RNF5: variants seen among roughly 807,000 people sequenced by gnomAD.
The protein encoded by RNF5 is ring finger protein 5.
In RNF5, 16 loss-of-function variants were observed where a neutral mutation model predicts 24.4. The observed-to-expected ratio is 0.66, with a 90% CI of 0.44 to 1.00. The LOEUF (loss-of-function observed/expected upper bound fraction) is 1.00, where lower values mean the gene tolerates loss of function less well. Among genes scored for constraint, RNF5 ranks in the 50% least tolerant of loss-of-function variants. The pLI is 0.00. For synonymous variants in RNF5, 64 were observed against 88.5 expected (o/e 0.72, Z 1.55); for missense variants, 185 against 236.7 (o/e 0.78, Z 1.43).
At position 32,179,484 on chromosome 6, in the gene RNF5, T is replaced by C; in HGVS notation, c.141-57T>C. On this transcript the variant is annotated intron_variant, in intron 1 of 5. Transcript: ENST00000375094. This position sits in a 1 kb window ranked among gnomAD's most constrained non-coding sequence, Gnocchi z 5.4. ...ATGGGATTCTGCGAAGTCTAGGGTCTGTGTCTCTCTTTTCTGTAGCTAGTT... is the reference window on the plus strand; with the variant it reads ...ATGGGATTCTGCGAAGTCTAGGGTCCGTGTCTCTCTTTTCTGTAGCTAGTT... The C allele has an allele frequency of 1.2e-6, 2 of 1,608,290 alleles. No homozygotes were observed. The highest frequency in any genetic ancestry group is 1.7e-6 in the Non-Finnish European group (2 of 1,175,848).
At position 32,180,574 on chromosome 6, in the gene RNF5, G is replaced by A. The variant is rs1786011968; in HGVS notation, c.*248G>A. The A allele has an allele frequency of 7.4e-6, 4 of 537,428 alleles. No individual in the cohort carries two copies. The highest frequency in any genetic ancestry group is 1.3e-5 in the Non-Finnish European group (4 of 304,594). The allele number at this position is 537,428 out of a possible 1,614,324, so 33.3% of individuals were successfully genotyped here. ...GCCCTGGGGAAGGAGGATGGATTGA[G>A]AGAATGTCTTTCTCCTCTCCTAAGT... On this transcript the variant is annotated 3_prime_UTR_variant, in exon 6 of 6. Transcript: ENST00000375094.
chr6:32,178,800 G>A (rs1313232593), intron 1 of RNF5, 149 bp downstream of exon 1: 8 of 762,442 alleles, frequency 1.0e-5, no homozygotes, highest in Non-Finnish European at 4.2e-6. Flanking sequence ...TTGCTGGTAT[G>A]TGTGGGTGGG....
rs16897384 is a variant in RNF5, at chr6:32,180,446, C to T, written c.*120C>T. On this transcript the variant is annotated 3_prime_UTR_variant, in exon 6 of 6. Transcript: ENST00000375094. ...CTATTTCTGTTGGCTAAGGCCAGCC[C>T]TGGACATTGTCCAGGAAGGCCTGGG... is the stretch of plus-strand genomic sequence containing the variant. The T allele has an allele frequency of 1.1e-6, 1 of 901,198 alleles. No individual in the cohort carries two copies. The highest frequency in any genetic ancestry group is 2.4e-5 in the East Asian group (1 of 40,896). The allele number at this position is 901,198 out of a possible 1,614,324, so 55.8% of individuals were successfully genotyped here. A position where few individuals can be genotyped will look rare whatever the true frequency, so the allele number is the denominator to read the frequency against.
chr6:32,179,661 C>CA lies in RNF5; in HGVS notation c.171dup (p.Arg58ThrfsTer11). 1 of 1,614,108 alleles carries CA rather than the reference C, an allele frequency of 6.2e-7. No individual in the cohort carries two copies. The highest frequency in any genetic ancestry group is 8.5e-7 in the Non-Finnish European group (1 of 1,180,024). On this transcript the variant is annotated frameshift_variant, in exon 3 of 6. Transcript: ENST00000375094. LOFTEE classifies it high-confidence loss of function. The surrounding 1 kb of genome is among the most constrained non-coding windows in gnomAD (Gnocchi z 5.4). ...CTTTTTTCTCCCCAGTGGCTGGAGA[C>CA]ACGGCCAGAACGGCAAGAGTGTCCA...
chr6:32,179,527 T>C lies in RNF5; in HGVS notation c.141-14T>C, dbSNP rs748000036. Reference sequence around the variant, plus strand: ...AGCTAGTTTGACCTTTTTTTTTTTTTCTCCCCCATCCAGTTGGCCATGTCT... The same window carrying C: ...AGCTAGTTTGACCTTTTTTTTTTTTCCTCCCCCATCCAGTTGGCCATGTCT... On this transcript the variant is annotated splice_polypyrimidine_tract_variant and intron_variant, in intron 1 of 5. Coordinates refer to ENST00000375094, the MANE Select transcript of RNF5 (RefSeq NM_006913.4). This position sits in a 1 kb window ranked among gnomAD's most constrained non-coding sequence, Gnocchi z 5.4. 15 of 1,612,560 alleles carry C rather than the reference T, an allele frequency of 9.3e-6. No individual in the cohort carries two copies. Among genetic ancestry groups the C allele is most frequent in the Non-Finnish European group, 1.2e-5 (14 of 1,179,578 alleles).
At position 32,179,902 on chromosome 6, in the gene RNF5, G is replaced by A; in HGVS notation, c.298G>A (p.Gly100Ser). The change falls in exon 4 of 6, where the codon GGC (glycine) becomes AGC (serine). Residue 100 changes from glycine to serine, a missense_variant. Transcript: ENST00000375094. The surrounding 1 kb of genome is among the most constrained non-coding windows in gnomAD (Gnocchi z 5.4). Reference sequence around the variant, plus strand: ...ATTAAAAACTCCACCCCGCCCCCAGGGCCAGAGACCAGCTCCGGAGAGCAG... The same window carrying A: ...ATTAAAAACTCCACCCCGCCCCCAGAGCCAGAGACCAGCTCCGGAGAGCAG... ...PRLKTPPRPQGQRPAPESRGG... is the reference protein window; with the variant it reads ...PRLKTPPRPQSQRPAPESRGG... The A allele has an allele frequency of 6.2e-7, 1 of 1,614,142 alleles. No homozygotes were observed. Among genetic ancestry groups the A allele is most frequent in the East Asian group, 2.2e-5 (1 of 44,886 alleles).
rs1004356243 is a variant in RNF5 at position 32,179,380 on chromosome 6, GCTAA to G, written c.141-156_141-153del. Among the ~76,000 whole-genome samples the G allele has an allele frequency of 3.3e-5, 5 of 152,086 alleles. No homozygotes were observed. The highest frequency in any genetic ancestry group is 1.3e-4 in the Admixed American group (2 of 15,270). Reference sequence around the variant, plus strand: ...GTTGGAAGATCAGACAAGCAGGAAGGCTAACTAAGTTGGCTGGCATGGTAGAGGT... The same window carrying G: ...GTTGGAAGATCAGACAAGCAGGAAGGCTAAGTTGGCTGGCATGGTAGAGGT... On this transcript the variant is annotated intron_variant, in intron 1 of 5. Coordinates refer to ENST00000375094, the MANE Select transcript of RNF5 (RefSeq NM_006913.4). This position sits in a 1 kb window ranked among gnomAD's most constrained non-coding sequence, Gnocchi z 5.4.
In RNF5 at chr6:32,179,931, G is replaced by A; in HGVS notation, c.327G>A (p.Gly109=). ...AGAGACCAGCTCCGGAGAGCAGAGG[G>A]GTGAGTCTTCTTGTCCAGTTGTGTC... ...QGQRPAPESR[G]GFQPFGDTGG... is the part of the protein sequence containing the mutation. The change falls in exon 4 of 6, where the codon GGG becomes GGA. Residue 109 remains glycine (G), a splice_region_variant and synonymous_variant. Coordinates refer to ENST00000375094, the MANE Select transcript of RNF5 (RefSeq NM_006913.4). The surrounding 1 kb of genome is among the most constrained non-coding windows in gnomAD (Gnocchi z 5.4). 6.2e-7 allele frequency: 1 copy of A among 1,614,206 alleles called. No individual in the cohort carries two copies. The highest frequency in any genetic ancestry group is 8.5e-7 in the Non-Finnish European group (1 of 1,180,030).
rs374442418 is a variant in RNF5 at position 32,179,514 on chromosome 6, C to CT, written c.141-14dup. On this transcript the variant is annotated intron_variant, in intron 1 of 5. Coordinates refer to ENST00000375094, the MANE Select transcript of RNF5 (RefSeq NM_006913.4). This position sits in a 1 kb window ranked among gnomAD's most constrained non-coding sequence, Gnocchi z 5.4. ...CTCTCTTTTCTGTAGCTAGTTTGAC[C>CT]TTTTTTTTTTTTTCTCCCCCATCCA... The CT allele has an allele frequency of 0.035, 43,200 of 1,222,086 alleles. No homozygotes were observed. Among genetic ancestry groups the CT allele is most frequent in the Non-Finnish European group, 0.04 (34,636 of 857,566 alleles). The allele number at this position is 1,222,086 out of a possible 1,614,324, so 75.7% of individuals were successfully genotyped here.
Position 32,180,417 on chromosome 6 carries a change from C to T in RNF5, c.*91C>T, listed in dbSNP as rs931028771. ...TTCCGTACTCCTGGACCCCCTTGAC[C>T]CCTCTATTTCTGTTGGCTAAGGCCA... On this transcript the variant is annotated 3_prime_UTR_variant, in exon 6 of 6. Coordinates refer to ENST00000375094, the MANE Select transcript of RNF5 (RefSeq NM_006913.4). 5.0e-6 allele frequency: 6 copies of T among 1,198,490 alleles called. No homozygotes were observed. In the African/African-American group the frequency reaches 9.0e-5, roughly 18 times the overall value. 74.2% of individuals were successfully genotyped at this position (1,198,490 alleles called of 1,614,324 possible). A position where few individuals can be genotyped will look rare whatever the true frequency, so the allele number is the denominator to read the frequency against.
In RNF5 at chr6:32,178,493, G is replaced by C; in HGVS notation, c.-19G>C. 6.3e-7 allele frequency: 1 copy of C among 1,579,702 alleles called. No homozygotes were observed. The highest frequency in any genetic ancestry group is 8.6e-7 in the Non-Finnish European group (1 of 1,163,442). ...ATTTGGGGGGACTGAAGGGTACGTG[G>C]GGCGAAACAAAACCGGCCATGGCAG... is the stretch of plus-strand genomic sequence containing the variant. On this transcript the variant is annotated 5_prime_UTR_variant, in exon 1 of 6. Coordinates refer to ENST00000375094, the MANE Select transcript of RNF5 (RefSeq NM_006913.4).
In RNF5 at chr6:32,180,405, G is replaced by A. The variant is rs1252210101; in HGVS notation, c.*79G>A. The A allele has an allele frequency of 1.6e-6, 2 of 1,244,928 alleles. No individual in the cohort carries two copies. The highest frequency in any genetic ancestry group is 2.9e-5 in the African/African-American group (2 of 67,958). The allele number at this position is 1,244,928 out of a possible 1,614,324, so 77.1% of individuals were successfully genotyped here. A position where few individuals can be genotyped will look rare whatever the true frequency, so the allele number is the denominator to read the frequency against. The stretch of plus-strand genomic sequence containing the variant: ...CCCTGCTGACCCTTCCGTACTCCTG[G>A]ACCCCCTTGACCCCTCTATTTCTGT... On this transcript the variant is annotated 3_prime_UTR_variant, in exon 6 of 6. Coordinates refer to ENST00000375094, the MANE Select transcript of RNF5 (RefSeq NM_006913.4).
Position 32,179,475 on chromosome 6 carries a change from T to A in RNF5, c.141-66T>A. On this transcript the variant is annotated intron_variant, in intron 1 of 5. Coordinates refer to ENST00000375094, the MANE Select transcript of RNF5 (RefSeq NM_006913.4). The surrounding 1 kb of genome is among the most constrained non-coding windows in gnomAD (Gnocchi z 5.4). ...AGGGGTTAGATGGGATTCTGCGAAG[T>A]CTAGGGTCTGTGTCTCTCTTTTCTG... is the stretch of plus-strand genomic sequence containing the variant. 1.2e-6 allele frequency: 2 copies of A among 1,601,634 alleles called. No homozygotes were observed. The highest frequency in any genetic ancestry group is 3.4e-5 in the Admixed American group (2 of 59,558).
chr6:32,178,774 C>A, intron 1 of RNF5, 123 bp downstream of exon 1: 1 of 962,688 alleles, frequency 1.0e-6, no homozygotes, highest in Non-Finnish European at 1.5e-6. Context: ...TGAAGCCCGA[C>A]AGGAGACATA....
chr6:32,178,516 C>A lies in RNF5; in HGVS notation c.5C>A (p.Ala2Glu), dbSNP rs1239731185. The A allele has an allele frequency of 6.3e-7, 1 of 1,599,866 alleles. No individual in the cohort carries two copies. The change falls in exon 1 of 6, where the codon GCA becomes GAA. Residue 2 changes from alanine (A) to glutamate (E), a missense_variant. Physicochemically the swap from Ala to Glu is moderately radical, Grantham distance 107 (BLOSUM62 -1). Transcript: ENST00000375094. M[A>E]AAEEEDGGPE... ...TGGGGCGAAACAAAACCGGCCATGGCAGCAGCGGAGGAGGAGGACGGGGGC... is the reference window on the plus strand; with the variant it reads ...TGGGGCGAAACAAAACCGGCCATGGAAGCAGCGGAGGAGGAGGACGGGGGC...
chr6:32,180,217 T>G lies in RNF5; in HGVS notation c.446-12T>G. 6.2e-7 allele frequency: 1 copy of G among 1,612,276 alleles called. No homozygotes were observed. On this transcript the variant is annotated splice_polypyrimidine_tract_variant and intron_variant, in intron 5 of 5. Coordinates refer to ENST00000375094, the MANE Select transcript of RNF5 (RefSeq NM_006913.4). ...GGAGCATATGCTTCCACAGCTTTCC[T>G]CTCTCCCACAGGTGTGGATCTGGGA... is the stretch of plus-strand genomic sequence containing the variant.
intron 1 of RNF5, 84 bp downstream of exon 1, chr6:32,178,735 C>A: frequency 7.1e-7 from 1 of 1,402,164 alleles, no homozygotes; most frequent in South Asian, 1.2e-5. Context: ...TACAGTCATA[C>A]AGATAATCGG....
rs1041274733 is a variant in RNF5, at chr6:32,179,441, C to T, written c.141-100C>T. On this transcript the variant is annotated intron_variant, in intron 1 of 5. Coordinates refer to ENST00000375094, the MANE Select transcript of RNF5 (RefSeq NM_006913.4). This position sits in a 1 kb window ranked among gnomAD's most constrained non-coding sequence, Gnocchi z 5.4. ...AAATCTGAAAAGCAACAGCAGGTTG[C>T]TTGGGAAGAGGGGTTAGATGGGATT... 10 of 1,464,976 alleles carry T rather than the reference C, an allele frequency of 6.8e-6. No homozygotes were observed. The highest frequency in any genetic ancestry group is 9.5e-6 in the Non-Finnish European group (10 of 1,053,988). 90.7% of individuals were successfully genotyped at this position (1,464,976 alleles called of 1,614,324 possible).
rs1371114770 is a variant in RNF5, at chr6:32,179,730, A to T, written c.239A>T (p.Tyr80Phe). 6.2e-7 allele frequency: 1 copy of T among 1,614,162 alleles called. No individual in the cohort carries two copies. The highest frequency in any genetic ancestry group is 2.2e-5 in the East Asian group (1 of 44,892). Residue 80 changes from tyrosine (Y) to phenylalanine (F), a missense_variant, in exon 3 of 6, where the codon TAT becomes TTT. Physicochemically the swap from Tyr to Phe is conservative, Grantham distance 22. Transcript: ENST00000375094. The surrounding 1 kb of genome is among the most constrained non-coding windows in gnomAD (Gnocchi z 5.4). ...AGCAGAGAGAAGGTTGTCCCGCTTT[A>T]TGGGCGAGGGAGCCAGAAGCCCCAG... ...GISREKVVPLYGRGSQKPQDP... is the reference protein window; with the variant it reads ...GISREKVVPLFGRGSQKPQDP...
Sources: gnomAD v4.1 joint callset for allele counts (sites outside exome capture counted in the v4.1 genomes callset) on GRCh38, gnomAD v4.1.1 for gene constraint, Gnocchi (gnomAD v3.1) non-coding constraint, MANE v1.5 for transcripts, NCBI Gene and HGNC (gene_info 2026-07-23, HGNC 2026-07-21) for gene names.